The following WDR36 variants were observed in gnomAD, a reference collection of about 807,000 sequenced individuals.
WDR36 encodes the protein WD repeat domain 36.
Under a neutral mutation model 112.7 loss-of-function variants are expected in WDR36, and 63 were observed. That is an observed-to-expected ratio of 0.56 (90% CI 0.46 to 0.69). WDR36 has a LOEUF of 0.69. WDR36 is among the 30% of genes least tolerant of loss of function. The pLI is 0.00. For synonymous variants in WDR36, 410 were observed against 362.2 expected (o/e 1.13, Z -1.50); for missense variants, 1,226 against 1,070.3 (o/e 1.15, Z -2.03).
rs1753169284 is a variant in WDR36 at position 111,103,895 on chromosome 5, T to C, written c.707T>C (p.Ile236Thr). 1.2e-5 allele frequency: 19 copies of C among 1,611,078 alleles called. No homozygotes were observed. Among genetic ancestry groups the C allele is most frequent in the Non-Finnish European group, 1.4e-5 (17 of 1,178,188 alleles). Residue 236 changes from isoleucine (I) to threonine (T), a missense_variant, in exon 7 of 23, where the codon ATT becomes ACT. By Grantham distance (89) the Ile-to-Thr change is moderately conservative (BLOSUM62 -1). Coordinates refer to ENST00000513710, the MANE Select transcript of WDR36 (RefSeq NM_139281.3). ...LMKFRQDWGPITSISFRTDGH... is the reference protein window; with the variant it reads ...LMKFRQDWGPTTSISFRTDGH... Reference sequence around the variant, plus strand: ...AAGTTTCGTCAAGACTGGGGACCCATTACTTCAATTTCATTTCGCACAGGT... The same window carrying C: ...AAGTTTCGTCAAGACTGGGGACCCACTACTTCAATTTCATTTCGCACAGGT...
chr5:111,129,101 C>T lies in WDR36; in HGVS notation c.*2218C>T, dbSNP rs77742012. ...TTTATTTTGGTACATTCACATTTAC[C>T]TAATCTCTTGTGCACTGTCCAACAG... On this transcript the variant is annotated 3_prime_UTR_variant, in exon 23 of 23. Coordinates refer to ENST00000513710, the MANE Select transcript of WDR36 (RefSeq NM_139281.3). 9.6e-5 allele frequency: 19 copies of T among 198,462 alleles called. No individual in the cohort carries two copies. Among genetic ancestry groups the T allele is most frequent in the Non-Finnish European group, 1.8e-4 (17 of 95,976 alleles). 12.3% of individuals were successfully genotyped at this position (198,462 alleles called of 1,614,324 possible).
intron 15 of WDR36, 137 bp from the exon 16 acceptor site, chr5:111,112,937 C>T (rs933364379): frequency 1.9e-4 from 36 of 190,710 alleles, no homozygotes; most frequent in African/African-American, 8.5e-4. Flanking sequence ...TTTTATGAAG[C>T]CTGCATTATC....
At chr5:111,097,055 C>A in intron 2 of WDR36, 24 bp from the exon 3 acceptor site, 1 of 1,572,066 alleles carries the variant, frequency 6.4e-7, no homozygotes, top group Non-Finnish European at 8.8e-7. Context: ...ATCCCTGTTT[C>A]TTTCATTTTG....
chr5:111,099,274 G>T (rs991156836), intron 4 of WDR36, among the ~76,000 whole-genome samples: 1 of 151,968 alleles, frequency 6.6e-6, no homozygotes, highest in Non-Finnish European at 1.5e-5. Flanking sequence ...TCTTTCAACT[G>T]TGATAGCTTA....
intron 9 of WDR36, among the ~76,000 whole-genome samples, 173 bp from the exon 10 acceptor site, chr5:111,105,122 G>C (rs990852010): frequency 2.6e-5 from 4 of 151,426 alleles, no homozygotes; most frequent in African/African-American, 9.7e-5. Flanking sequence ...TTACTAAATG[G>C]CATTCTATAA....
At position 111,120,600 on chromosome 5, in the gene WDR36, A is replaced by G. The variant is rs1269236319; in HGVS notation, c.2002+7A>G. ...GGTACTTGTCAAACCCAAGGTAATT[A>G]GAAAATTGCAAAGTAATTTTTGAGG... On this transcript the variant is annotated splice_region_variant and intron_variant, in intron 18 of 22. Coordinates refer to ENST00000513710, the MANE Select transcript of WDR36 (RefSeq NM_139281.3). 3.1e-6 allele frequency: 5 copies of G among 1,601,468 alleles called. No homozygotes were observed. In the African/African-American group the frequency reaches 6.7e-5, roughly 21 times the overall value.
At position 111,121,002 on chromosome 5, in the gene WDR36, A is replaced by C. The variant is rs1268356412; in HGVS notation, c.2009A>C (p.Glu670Ala). 1 of 1,612,910 alleles carries C rather than the reference A, an allele frequency of 6.2e-7. No individual in the cohort carries two copies. Among genetic ancestry groups the C allele is most frequent in the Admixed American group, 1.7e-5 (1 of 59,918 alleles). The change falls in exon 19 of 23, where the codon GAA becomes GCA. Residue 670 changes from glutamate (E) to alanine (A), a missense_variant. By Grantham distance (107) the Glu-to-Ala change is moderately radical. Transcript: ENST00000513710. The part of the protein sequence containing the change: ...LPGTCQTQDV[E>A]VSEETVEPSD... ...CCTGAAAAATTTTTTTAAGATGTAG[A>C]AGTATCAGAAGAAACAGTAGAACCA...
rs375102993 is a variant in WDR36 at position 111,104,777 on chromosome 5, C to T, written c.987C>T (p.Ile329=). The part of the protein sequence containing the change: ...RMGHSAPLTN[I]RYYGQNGQQI... ...GTCATAGTGCTCCTCTTACCAATAT[C>T]AGATATTATGGACAGAATGGACAGC... The change falls in exon 9 of 23, where the codon ATC becomes ATT. Residue 329 remains isoleucine (I), a synonymous_variant. Transcript: ENST00000513710. 8.1e-6 allele frequency: 13 copies of T among 1,611,148 alleles called. No homozygotes were observed. Among genetic ancestry groups the T allele is most frequent in the Non-Finnish European group, 1.1e-5 (13 of 1,177,888 alleles).
At chr5:111,095,929 C>G (rs1180373535) in intron 2 of WDR36, among the ~76,000 whole-genome samples, 1 of 151,958 alleles carries the variant, frequency 6.6e-6, no homozygotes, top group Non-Finnish European at 1.5e-5. Context: ...AAATATGGTT[C>G]TTGTGAGAGA....
chr5:111,120,521 G>A lies in WDR36; in HGVS notation c.1930G>A (p.Val644Ile). The stretch of plus-strand genomic sequence containing the variant: ...GTCCAATATTTCCCTGTATTCAGTT[G>A]TTTCATTACGGCCACTTCCTGCAGA... Reference protein sequence around the residue: ...LWSNISLYSVVSLRPLPADYV... With the variant: ...LWSNISLYSVISLRPLPADYV... Residue 644 changes from valine (V) to isoleucine (I), a missense_variant, in exon 18 of 23, where the codon GTT becomes ATT. Coordinates refer to ENST00000513710, the MANE Select transcript of WDR36 (RefSeq NM_139281.3). 1 of 1,612,878 alleles carries A rather than the reference G, an allele frequency of 6.2e-7. No homozygotes were observed. The highest frequency in any genetic ancestry group is 8.5e-7 in the Non-Finnish European group (1 of 1,179,248).
intron 9 of WDR36, among the ~76,000 whole-genome samples, chr5:111,105,025 T>C (rs1005676984): frequency 6.6e-6 from 1 of 151,624 alleles, no homozygotes; most frequent in Non-Finnish European, 1.5e-5. Context: ...TATTTACTAA[T>C]CCTCAGAGAC....
intron 12 of WDR36, among the ~76,000 whole-genome samples, chr5:111,109,960 T>G (rs1022006688): frequency 9.9e-5 from 15 of 151,598 alleles, no homozygotes; most frequent in African/African-American, 3.6e-4. Flanking sequence ...ATGTTTTGTT[T>G]TCTTAGATAG....
intron 15 of WDR36, among the ~76,000 whole-genome samples, chr5:111,112,391 C>T (rs1753359667): frequency 6.6e-6 from 1 of 151,908 alleles, no homozygotes; most frequent in South Asian, 2.1e-4. Context: ...TTTGAGTTCC[C>T]ATTGTATTAC....
chr5:111,095,421 A>G (rs1752954391), intron 2 of WDR36, among the ~76,000 whole-genome samples: 3 of 152,178 alleles, frequency 2.0e-5, no homozygotes, highest in African/African-American at 7.2e-5. Context: ...TTTTGGTAGT[A>G]TGCACTGGGA....
chr5:111,108,122 A>G (rs1561705231), intron 12 of WDR36, among the ~76,000 whole-genome samples: 1 of 151,336 alleles, frequency 6.6e-6, no homozygotes, highest in Non-Finnish European at 1.5e-5. Flanking sequence ...CCATTTGTTT[A>G]GATCTTCCTT....
intron 15 of WDR36, 41 bp from the exon 16 acceptor site, chr5:111,113,033 A>AT (rs201874795): frequency 5.3e-4 from 169 of 321,330 alleles, no homozygotes; most frequent in African/African-American, 4.8e-3. Context: ...TTATATATAA[A>AT]TAATATATAT....
intron 19 of WDR36, among the ~76,000 whole-genome samples, chr5:111,122,344 A>G (rs1007657678): frequency 6.6e-6 from 1 of 152,246 alleles, no homozygotes; most frequent in East Asian, 1.9e-4. Flanking sequence ...AAAATCTTAT[A>G]TCAAAACATA....
Position 111,125,675 on chromosome 5 carries a change from G to A in WDR36, c.2418G>A (p.Leu806=), listed in dbSNP as rs751951578. 6.2e-7 allele frequency: 1 copy of A among 1,613,874 alleles called. No homozygotes were observed. Among genetic ancestry groups the A allele is most frequent in the South Asian group, 1.1e-5 (1 of 91,074 alleles). Residue 806 remains leucine (L), a synonymous_variant, in exon 22 of 23, where the codon TTG becomes TTA. Transcript: ENST00000513710. ...GAATTGAAACAGAGCTGCGAAGCTTGTCTCCTGATTGTGGTGGGTCCATAG... is the reference window on the plus strand; with the variant it reads ...GAATTGAAACAGAGCTGCGAAGCTTATCTCCTGATTGTGGTGGGTCCATAG... ...PSGIETELRS[L]SPDCGGSIEV...
intron 9 of WDR36, 34 bp downstream of exon 9, chr5:111,104,851 A>G (rs2112572762): frequency 6.2e-7 from 1 of 1,609,382 alleles, no homozygotes; most frequent in Non-Finnish European, 8.5e-7. Context: ...AGTTTATTTC[A>G]GCAAGTATTG....
Sources: gnomAD v4.1 joint callset for allele counts (sites outside exome capture counted in the v4.1 genomes callset) on GRCh38, gnomAD v4.1.1 for gene constraint, MANE v1.5 for transcripts, NCBI Gene and HGNC (gene_info 2026-07-23, HGNC 2026-07-21) for gene names.